Variants in NOL4 observed in about 807,000 individuals in gnomAD.
NOL4 encodes cancer/testis antigen 125.
In NOL4, 17 loss-of-function variants were observed where a neutral mutation model predicts 75.9. The observed-to-expected ratio is 0.22, with a 90% confidence interval of 0.15 to 0.34. The LOEUF (loss-of-function observed/expected upper bound fraction) is 0.34. Ranked by LOEUF, NOL4 falls within the 10% of genes least tolerant of loss-of-function variation. NOL4 has a pLI of 1.00. For missense variants in NOL4, 614 were observed against 793.5 expected (o/e 0.77, Z 2.72); for synonymous variants, 292 against 289.9 (o/e 1.01, Z -0.07).
intron 1 of NOL4, among the ~76,000 whole-genome samples, chr18:34,185,464 T>C (rs1046388531): frequency 3.3e-5 from 5 of 151,916 alleles, no homozygotes; most frequent in Admixed American, 6.6e-5. Context: ...TTTTTTACAA[T>C]GGGCAGATAA....
rs2069734672 is a variant in NOL4, at chr18:33,957,420, C to A, written c.1334G>T (p.Arg445Met). The change falls in exon 8 of 11, where the codon AGG (arginine) becomes ATG (methionine). Residue 445 changes from arginine to methionine, a missense_variant. Transcript: ENST00000261592. Reference sequence around the variant, plus strand: ...CTCTTGATACTCAGGGAATTGTCGCCTGCATGAGTCAATGATAGCCTGGAT... The same window carrying A: ...CTCTTGATACTCAGGGAATTGTCGCATGCATGAGTCAATGATAGCCTGGAT... ...EKIQAIIDSC[R>M]RQFPEYQERA... 1 of 1,613,554 alleles carries A rather than the reference C, an allele frequency of 6.2e-7. No homozygotes were observed. Among genetic ancestry groups the A allele is most frequent in the African/African-American group, 1.3e-5 (1 of 74,874 alleles).
Position 34,019,487 on chromosome 18 carries a change from C to T in NOL4, c.887G>A (p.Gly296Glu). ...MGDSNSDGKT[G>E]LEQDEQPLNL... is the part of the protein sequence containing the mutation. Reference sequence around the variant, plus strand: ...CAGTGGCTGTTCATCTTGCTCCAGCCCAGTTTTGCCATCACTGTTGGAGTC... The same window carrying T: ...CAGTGGCTGTTCATCTTGCTCCAGCTCAGTTTTGCCATCACTGTTGGAGTC... Residue 296 changes from glycine (G) to glutamate (E), a missense_variant, in exon 6 of 11, where the codon GGG (glycine) becomes GAG (glutamate). Gly to Glu is a moderately conservative substitution (Grantham distance 98). This residue lies in a region of NOL4 where 196 missense variants were observed against 167.9 expected (regional missense o/e 1.17). Transcript: ENST00000261592. 1 of 1,613,986 alleles carries T rather than the reference C, an allele frequency of 6.2e-7. No individual in the cohort carries two copies. Among genetic ancestry groups the T allele is most frequent in the Non-Finnish European group, 8.5e-7 (1 of 1,179,982 alleles).
rs1295935939 is a variant in NOL4 at position 33,852,424 on chromosome 18, CTTT to C, written c.*415_*417del. ...TATCCTGTAGCAACAAGAAATTTGG[CTTT>C]TTTTTTTCTTTTTTTTTTTTTTGCC... On this transcript the variant is annotated 3_prime_UTR_variant, in exon 11 of 11. Transcript: ENST00000261592. The C allele has an allele frequency of 7.4e-6, 1 of 135,050 alleles. No individual in the cohort carries two copies. Among genetic ancestry groups the C allele is most frequent in the African/African-American group, 2.8e-5 (1 of 36,338 alleles). 8.4% of individuals were successfully genotyped at this position (135,050 alleles called of 1,614,324 possible).
chr18:33,891,056 T>C (rs1165687828), intron 9 of NOL4, among the ~76,000 whole-genome samples: 1 of 151,234 alleles, frequency 6.6e-6, no homozygotes, highest in African/African-American at 2.4e-5. Context: ...ATTTATATAA[T>C]ATAATATATA....
intron 1 of NOL4, among the ~76,000 whole-genome samples, chr18:34,159,215 C>T (rs1243556494): frequency 1.3e-5 from 2 of 152,194 alleles, no homozygotes; most frequent in Non-Finnish European, 2.9e-5. Context: ...GACCTGCAGG[C>T]GCGCTAAGCG....
intron 1 of NOL4, among the ~76,000 whole-genome samples, chr18:34,186,186 T>C (rs944559216): frequency 1.3e-5 from 2 of 152,182 alleles, no homozygotes; most frequent in African/African-American, 4.8e-5. Flanking sequence ...TGTTTGGGTA[T>C]CTCCATTTTC....
At chr18:34,077,675 TAAAAC>T (rs1233361895) in intron 5 of NOL4, among the ~76,000 whole-genome samples, 1 of 151,950 alleles carries the variant, frequency 6.6e-6, no homozygotes, top group Non-Finnish European at 1.5e-5. Context: ...AAAAAATACA[TAAAAC>T]AAAGAAGAGA....
At chr18:33,879,801 A>G (rs1223790042) in intron 10 of NOL4, among the ~76,000 whole-genome samples, 3 of 151,460 alleles carry the variant, frequency 2.0e-5, no homozygotes, top group Non-Finnish European at 4.4e-5. Flanking sequence ...TTTTGCATTT[A>G]TAAATGACAG....
At chr18:34,213,926 T>C (rs2036691778) in intron 1 of NOL4, among the ~76,000 whole-genome samples, 1 of 152,238 alleles carries the variant, frequency 6.6e-6, no homozygotes, top group African/African-American at 2.4e-5. Context: ...ACATTCATTT[T>C]ACTTTTAAAA....
At chr18:33,956,748 G>A (rs2069678275) in intron 8 of NOL4, among the ~76,000 whole-genome samples, 1 of 152,048 alleles carries the variant, frequency 6.6e-6, no homozygotes. Flanking sequence ...GAATATGAAA[G>A]CTCTTGGTAC....
intron 5 of NOL4, among the ~76,000 whole-genome samples, chr18:34,051,104 A>T (rs1054102283): frequency 2.0e-5 from 3 of 152,070 alleles, no homozygotes; most frequent in African/African-American, 7.2e-5. Flanking sequence ...AATGCCTGAC[A>T]TATTGAAAAT....
chr18:34,126,720 T>C (rs927710261), intron 2 of NOL4, among the ~76,000 whole-genome samples: 1 of 152,114 alleles, frequency 6.6e-6, no homozygotes, highest in Non-Finnish European at 1.5e-5. Flanking sequence ...TGAGAAAAGT[T>C]AAACACTGGA....
chr18:33,863,109 A>G (rs941272566), intron 10 of NOL4, among the ~76,000 whole-genome samples: 3 of 152,212 alleles, frequency 2.0e-5, no homozygotes, highest in African/African-American at 7.2e-5. Flanking sequence ...TGATGAGTTC[A>G]TGTCCTTTGT....
intron 9 of NOL4, among the ~76,000 whole-genome samples, chr18:33,930,356 G>A (rs1334744283): frequency 4.6e-5 from 7 of 152,072 alleles, no homozygotes; most frequent in African/African-American, 7.2e-5. Flanking sequence ...AGGTAAGATG[G>A]TAAGTTTTCA....
At chr18:33,893,513 C>T (rs940235915) in intron 9 of NOL4, among the ~76,000 whole-genome samples, 3 of 152,080 alleles carry the variant, frequency 2.0e-5, no homozygotes, top group East Asian at 1.9e-4. Flanking sequence ...TTCATTGATT[C>T]GATTCAACTT....
intron 5 of NOL4, among the ~76,000 whole-genome samples, chr18:34,066,822 TAA>T (rs1047208682): frequency 9.2e-5 from 14 of 151,904 alleles, no homozygotes; most frequent in Non-Finnish European, 2.1e-4. Flanking sequence ...TATATATAAT[TAA>T]TGTAAAAGAA....
intron 3 of NOL4, among the ~76,000 whole-genome samples, chr18:34,104,415 C>T (rs1191144585): frequency 2.6e-5 from 4 of 151,772 alleles, no homozygotes; most frequent in African/African-American, 9.7e-5. Context: ...ATAAATAAAC[C>T]TAATGTGGTT....
chr18:34,022,723 ATGT>A (rs2075115551), intron 5 of NOL4, among the ~76,000 whole-genome samples: 1 of 152,036 alleles, frequency 6.6e-6, no homozygotes, highest in South Asian at 2.1e-4. Flanking sequence ...CTTTGTCAAT[ATGT>A]TATTAGGTTA....
intron 1 of NOL4, among the ~76,000 whole-genome samples, chr18:34,169,265 C>G (rs1017980726): frequency 2.6e-5 from 4 of 151,464 alleles, no homozygotes; most frequent in African/African-American, 9.7e-5. Context: ...AAATATATAA[C>G]AACAATAGCA....
Sources: gnomAD v4.1 joint callset for allele counts (sites outside exome capture counted in the v4.1 genomes callset) on GRCh38, gnomAD v4.1.1 for gene constraint, gnomAD v4.1.1 regional missense constraint, MANE v1.5 for transcripts, NCBI Gene and HGNC (gene_info 2026-07-23, HGNC 2026-07-21) for gene names.